Variants in METTL13 observed in about 807,000 individuals in gnomAD.
METTL13 encodes methyltransferase 13, eEF1A N-terminus and K55.
In METTL13, 52 loss-of-function variants were observed where a neutral mutation model predicts 67.4. The ratio of observed to expected loss-of-function variants is 0.77; its 90% CI spans 0.62 to 0.97. The LOEUF is 0.97. Among genes scored for constraint, METTL13 ranks in the 50% least tolerant of loss-of-function variants. METTL13 has a pLI of 0.00. For synonymous variants in METTL13, 354 were observed against 353.6 expected (o/e 1.00, Z -0.01); for missense variants, 825 against 889.6 (o/e 0.93, Z 0.92).
In METTL13 at chr1:171,781,662, C is replaced by T. The variant is rs1656819152; in HGVS notation, c.-306C>T. On this transcript the variant is annotated 5_prime_UTR_variant, in exon 1 of 8. Transcript: ENST00000361735. ...GCCGACGAATCACGAGGCTTCGCAC[C>T]CGGATATGGTTATGGGCTCGGAAAT... 1.4e-6 allele frequency: 1 copy of T among 697,552 alleles called. No homozygotes were observed. The highest frequency in any genetic ancestry group is 1.9e-6 in the Non-Finnish European group (1 of 528,258). The allele number at this position is 697,552 out of a possible 1,614,324, so 43.2% of individuals were successfully genotyped here. A position where few individuals can be genotyped will look rare whatever the true frequency, so the allele number is the denominator to read the frequency against.
rs572620756 is a variant in METTL13, at chr1:171,781,678, G to A, written c.-290G>A. On this transcript the variant is annotated 5_prime_UTR_variant, in exon 1 of 8. Transcript: ENST00000361735. Reference sequence around the variant, plus strand: ...GCTTCGCACCCGGATATGGTTATGGGCTCGGAAATCTAGTTCGGGAAAAGT... The same window carrying A: ...GCTTCGCACCCGGATATGGTTATGGACTCGGAAATCTAGTTCGGGAAAAGT... The A allele has an allele frequency of 1.4e-5, 13 of 915,344 alleles. No homozygotes were observed. The highest frequency in any genetic ancestry group is 1.0e-4 in the East Asian group (2 of 19,348). The allele number at this position is 915,344 out of a possible 1,614,324, so 56.7% of individuals were successfully genotyped here. A position where few individuals can be genotyped will look rare whatever the true frequency, so the allele number is the denominator to read the frequency against.
chr1:171,785,383 A>C (rs1656975798), intron 2 of METTL13, among the ~76,000 whole-genome samples: 1 of 152,208 alleles, frequency 6.6e-6, no homozygotes, highest in African/African-American at 2.4e-5. Context: ...AGTGCAGTGA[A>C]TACAAGCGTG....
intron 5 of METTL13, among the ~76,000 whole-genome samples, chr1:171,791,440 C>T (rs1264861606): frequency 6.6e-6 from 1 of 152,182 alleles, no homozygotes; most frequent in Non-Finnish European, 1.5e-5. Context: ...GGCCACTCTT[C>T]TTCCCTTTCC....
intron 6 of METTL13, among the ~76,000 whole-genome samples, chr1:171,793,590 T>A (rs959732129): frequency 1.3e-5 from 2 of 152,254 alleles, no homozygotes; most frequent in Non-Finnish European, 2.9e-5. Flanking sequence ...TACTTATTAA[T>A]TATTGAATAA....
In METTL13 at chr1:171,784,213, G is replaced by C; in HGVS notation, c.627G>C (p.Met209Ile). The C allele has an allele frequency of 6.2e-7, 1 of 1,614,076 alleles. No homozygotes were observed. The highest frequency in any genetic ancestry group is 8.5e-7 in the Non-Finnish European group (1 of 1,180,056). Residue 209 changes from methionine to isoleucine, a missense_variant, in exon 2 of 8, where the codon ATG becomes ATC. Physicochemically the swap from Met to Ile is conservative, Grantham distance 10. Coordinates refer to ENST00000361735, the MANE Select transcript of METTL13 (RefSeq NM_015935.5). ...QFSLPVFAFI[M>I]TKFRPVPGSA... ...CCTTGCCTGTCTTTGCCTTCATCAT[G>C]ACCAAGTTCAGGCCAGTCCCTGGCT...
chr1:171,787,944 G>A lies in METTL13; in HGVS notation c.1309+14G>A. Reference sequence around the variant, plus strand: ...TGTCTCACAAAGGTGAGGTGTCATAGGCACAGTGGTGGGACCCAAGTGGCC... The same window carrying A: ...TGTCTCACAAAGGTGAGGTGTCATAAGCACAGTGGTGGGACCCAAGTGGCC... On this transcript the variant is annotated intron_variant, in intron 4 of 7. Coordinates refer to ENST00000361735, the MANE Select transcript of METTL13 (RefSeq NM_015935.5). The A allele has an allele frequency of 6.2e-7, 1 of 1,611,910 alleles. No homozygotes were observed. The highest frequency in any genetic ancestry group is 8.5e-7 in the Non-Finnish European group (1 of 1,179,250).
chr1:171,785,871 T>C lies in METTL13; in HGVS notation c.914-8T>C, dbSNP rs1289045590. ...CAGGACTCCCTGTAACCAAGTTCTT[T>C]TTTCTAGTCCCTCAGGGCCGGGAGA... On this transcript the variant is annotated splice_region_variant and splice_polypyrimidine_tract_variant and intron_variant, in intron 2 of 7. Transcript: ENST00000361735. 1 of 1,611,924 alleles carries C rather than the reference T, an allele frequency of 6.2e-7. No individual in the cohort carries two copies.
At position 171,785,880 on chromosome 1, in the gene METTL13, C is replaced by A; in HGVS notation, c.915C>A (p.Ile305=). The part of the protein sequence containing the change: ...SRDNHFAIFI[I]PQGRETEWLF... ...CTGTAACCAAGTTCTTTTTTCTAGT[C>A]CCTCAGGGCCGGGAGACCGAGTGGC... is the stretch of plus-strand genomic sequence containing the variant. Residue 305 remains isoleucine (I), a splice_region_variant and synonymous_variant, in exon 3 of 8, where the codon ATC becomes ATA. Coordinates refer to ENST00000361735, the MANE Select transcript of METTL13 (RefSeq NM_015935.5). The A allele has an allele frequency of 2.5e-6, 4 of 1,612,202 alleles. No homozygotes were observed. The highest frequency in any genetic ancestry group is 3.4e-6 in the Non-Finnish European group (4 of 1,179,816).
intron 7 of METTL13, among the ~76,000 whole-genome samples, chr1:171,795,377 C>T (rs943836877): frequency 2.0e-5 from 3 of 152,154 alleles, no homozygotes; most frequent in African/African-American, 7.2e-5. Context: ...GGTATATACA[C>T]AGGGTTGTAA....
chr1:171,782,347 G>T (rs1246060973), intron 1 of METTL13, among the ~76,000 whole-genome samples: 1 of 152,162 alleles, frequency 6.6e-6, no homozygotes, highest in Non-Finnish European at 1.5e-5. Flanking sequence ...GAGGTGGGAG[G>T]ATCGCTTGAG....
At position 171,786,069 on chromosome 1, in the gene METTL13, C is replaced by A. The variant is rs1463176466; in HGVS notation, c.1104C>A (p.Thr368=). The A allele has an allele frequency of 6.2e-7, 1 of 1,612,452 alleles. No individual in the cohort carries two copies. The highest frequency in any genetic ancestry group is 1.3e-5 in the African/African-American group (1 of 74,992). ...VMELAPAGMP[T]QQQVPFLSVG... is the part of the protein sequence containing the mutation. ...AGCTGGCCCCAGCTGGGATGCCCACCCAGCAGCAGGTAACAAAGCTTTCGT... is the reference window on the plus strand; with the variant it reads ...AGCTGGCCCCAGCTGGGATGCCCACACAGCAGCAGGTAACAAAGCTTTCGT... The change falls in exon 3 of 8, where the codon ACC becomes ACA. Residue 368 remains threonine, a synonymous_variant. Coordinates refer to ENST00000361735, the MANE Select transcript of METTL13 (RefSeq NM_015935.5).
At position 171,791,395 on chromosome 1, in the gene METTL13, C is replaced by T. The variant is rs575513557; in HGVS notation, c.1475-622C>T. On this transcript the variant is annotated intron_variant, in intron 5 of 7. Coordinates refer to ENST00000361735, the MANE Select transcript of METTL13 (RefSeq NM_015935.5). ...TGAGTCAAGGGCAAGGGACATTGCA[C>T]CTCTGCTGCCTTGTAATCATGAGCA... is the stretch of plus-strand genomic sequence containing the variant. 5.0e-4 allele frequency among the ~76,000 whole-genome samples: 76 copies of T among 152,284 alleles called. 2 individuals carry two copies. In the South Asian group the frequency reaches 0.016, roughly 32 times the overall value.
rs547692289 is a variant in METTL13, at chr1:171,781,823, G to A, written c.-145G>A. Reference sequence around the variant, plus strand: ...AAGGGTCATTCCTGGGGTTTGGAGTGGGGGAACAAATCAATGTGGCTGTTT... The same window carrying A: ...AAGGGTCATTCCTGGGGTTTGGAGTAGGGGAACAAATCAATGTGGCTGTTT... On this transcript the variant is annotated 5_prime_UTR_variant, in exon 1 of 8. Transcript: ENST00000361735. The A allele has an allele frequency of 2.0e-6, 3 of 1,479,048 alleles. No individual in the cohort carries two copies. The highest frequency in any genetic ancestry group is 2.8e-5 in the African/African-American group (2 of 70,826). 91.6% of individuals were successfully genotyped at this position (1,479,048 alleles called of 1,614,324 possible). A position where few individuals can be genotyped will look rare whatever the true frequency, so the allele number is the denominator to read the frequency against.
At chr1:171,783,272 A>G (rs1179282751) in intron 1 of METTL13, among the ~76,000 whole-genome samples, 1 of 152,222 alleles carries the variant, frequency 6.6e-6, no homozygotes, top group Non-Finnish European at 1.5e-5. Flanking sequence ...AAGATAGCCA[A>G]ATATCATGAG....
At chr1:171,784,645 G>A in intron 2 of METTL13, 146 bp downstream of exon 2, 2 of 1,075,698 alleles carry the variant, frequency 1.9e-6, no homozygotes. Context: ...ACTTCCAGAG[G>A]ATTAGACTAC....
chr1:171,786,300 CAG>C (rs1657007966), intron 3 of METTL13, among the ~76,000 whole-genome samples: 1 of 152,194 alleles, frequency 6.6e-6, no homozygotes, highest in Non-Finnish European at 1.5e-5. Context: ...GGGAGCCTCT[CAG>C]AGTCCATAGA....
chr1:171,787,994 A>T, intron 4 of METTL13, 64 bp downstream of exon 4: 1 of 1,541,178 alleles, frequency 6.5e-7, no homozygotes, highest in South Asian at 1.2e-5. Flanking sequence ...ATTTCTTGGG[A>T]GCTTGGCCGA....
rs1027425665 is a variant in METTL13, at chr1:171,797,702, CCAATGATT to C, written c.*948_*955del. ...TAACCATTTATTCAGAACCATTAAA[CCAATGATT>C]CCAAGACTGGCTTGAATTTTGTCTT... On this transcript the variant is annotated 3_prime_UTR_variant, in exon 8 of 8. Coordinates refer to ENST00000361735, the MANE Select transcript of METTL13 (RefSeq NM_015935.5). The C allele has an allele frequency of 1.3e-5, 2 of 152,206 alleles. No individual in the cohort carries two copies. Among genetic ancestry groups the C allele is most frequent in the African/African-American group, 2.4e-5 (1 of 41,446 alleles). 9.4% of individuals were successfully genotyped at this position (152,206 alleles called of 1,614,324 possible). A position where few individuals can be genotyped will look rare whatever the true frequency, so the allele number is the denominator to read the frequency against.
intron 7 of METTL13, among the ~76,000 whole-genome samples, chr1:171,795,581 T>C (rs532677621): frequency 6.6e-6 from 1 of 152,358 alleles, no homozygotes; most frequent in Admixed American, 6.5e-5. Context: ...ATGAGGAAAC[T>C]GAGGTTGAAG....
Sources: gnomAD v4.1 joint callset for allele counts (sites outside exome capture counted in the v4.1 genomes callset) on GRCh38, gnomAD v4.1.1 for gene constraint, MANE v1.5 for transcripts, NCBI Gene and HGNC (gene_info 2026-07-23, HGNC 2026-07-21) for gene names.